Variants in PABPC4 observed in about 807,000 individuals in gnomAD.
PABPC4 encodes the protein polyadenylate-binding protein 4.
PABPC4 carries 15 observed loss-of-function variants against 74.5 expected under a neutral mutation model. The observed-to-expected ratio is 0.20, with a 90% CI of 0.13 to 0.31. The LOEUF is 0.31. PABPC4 is among the 10% of genes least tolerant of loss of function. The pLI, the probability that PABPC4 is intolerant of heterozygous loss-of-function variation, is 1.00. For synonymous variants in PABPC4, 345 were observed against 303.0 expected, an observed-to-expected ratio of 1.14 and a Z score of -1.44; for missense variants, 610 against 853.5, an observed-to-expected ratio of 0.71 and a Z score of 3.55.
chr1:39,571,514 G>C (rs565017793), intron 2 of PABPC4, 165 bp from the exon 3 acceptor site: 6 of 672,884 alleles, frequency 8.9e-6, no homozygotes, highest in Non-Finnish European at 1.5e-5. Context: ...CAGGTGCCTA[G>C]TAAGTGTTCC....
chr1:39,562,634 G>A (rs920349774), intron 12 of PABPC4: 1 of 457,104 alleles, frequency 2.2e-6, no homozygotes, highest in Non-Finnish European at 3.9e-6. Flanking sequence ...CAATGAAAAT[G>A]GCATGCTATC....
In PABPC4 at chr1:39,575,868, G is replaced by A. The variant is rs1281622064; in HGVS notation, c.84C>T (p.Tyr28=). The A allele has an allele frequency of 1.9e-6, 3 of 1,612,600 alleles. No individual in the cohort carries two copies. Among genetic ancestry groups the A allele is most frequent in the South Asian group, 2.2e-5 (2 of 91,006 alleles). Residue 28 remains tyrosine (Y), a synonymous_variant, in exon 1 of 16, where the codon TAC becomes TAT. Coordinates refer to ENST00000372858, the MANE Select transcript of PABPC4 (RefSeq NM_001135653.2). ...LHSDVTEAML[Y]EKFSPAGPVL... The stretch of plus-strand genomic sequence containing the variant: ...CAGGCCCCGCGGGGCTGAACTTTTC[G>A]TACAGCATGGCCTCGGTGACGTCCG...
chr1:39,565,465 G>A (rs1645822514), intron 7 of PABPC4, 87 bp from the exon 8 acceptor site: 4 of 1,391,280 alleles, frequency 2.9e-6, no homozygotes, highest in South Asian at 2.6e-5. Context: ...ACTTTGGAAG[G>A]CTGAGGTGGG....
chr1:39,573,452 C>T (rs1256693016), intron 1 of PABPC4, among the ~76,000 whole-genome samples: 1 of 152,180 alleles, frequency 6.6e-6, no homozygotes, highest in African/African-American at 2.4e-5. Context: ...CAACCAACTT[C>T]CCCATCCAAC....
At chr1:39,573,379 C>A (rs559244104) in intron 1 of PABPC4, among the ~76,000 whole-genome samples, 2 of 152,294 alleles carry the variant, frequency 1.3e-5, no homozygotes, top group African/African-American at 4.8e-5. Context: ...GGCCCTGCAC[C>A]CACCTTTTGA....
intron 4 of PABPC4, 48 bp downstream of exon 4, chr1:39,569,815 C>G: frequency 6.2e-7 from 1 of 1,603,180 alleles, no homozygotes; most frequent in Non-Finnish European, 8.5e-7. Flanking sequence ...TAAGAAAAAA[C>G]AGATGGGTCT....
chr1:39,566,438 C>T (rs934691508), intron 7 of PABPC4, among the ~76,000 whole-genome samples: 1 of 152,206 alleles, frequency 6.6e-6, no homozygotes, highest in Non-Finnish European at 1.5e-5. Flanking sequence ...CCAAGAAATA[C>T]TCCAAACAGC....
chr1:39,571,176 C>G, intron 3 of PABPC4, 58 bp downstream of exon 3: 1 of 1,610,896 alleles, frequency 6.2e-7, no homozygotes, highest in Non-Finnish European at 8.5e-7. Flanking sequence ...CAGTTAATAG[C>G]GAGGTGGGGC....
intron 1 of PABPC4, among the ~76,000 whole-genome samples, chr1:39,573,553 T>G (rs566531202): frequency 2.0e-5 from 3 of 152,180 alleles, no homozygotes; most frequent in Non-Finnish European, 4.4e-5. Context: ...GTATGGTGGC[T>G]CACTCCTGTA....
chr1:39,560,968 T>C lies in PABPC4; in HGVS notation c.*168A>G. ...AACCCAAAGAACATATTCGTATAAT[T>C]GAAAAATTCTAGGTGCTTCATAATT... On this transcript the variant is annotated 3_prime_UTR_variant, in exon 16 of 16. Coordinates refer to ENST00000372858, the MANE Select transcript of PABPC4 (RefSeq NM_001135653.2). 3.0e-6 allele frequency: 1 copy of C among 328,896 alleles called. No homozygotes were observed. Among genetic ancestry groups the C allele is most frequent in the East Asian group, 7.6e-5 (1 of 13,148 alleles). 20.4% of individuals were successfully genotyped at this position (328,896 alleles called of 1,614,324 possible).
In PABPC4 at chr1:39,572,948, C is replaced by A. The variant is rs181081293; in HGVS notation, c.194-362G>T. ...TAGAAGAGACTTTGCAGACTACCAC[C>A]CACCATGACTCAGGTGGGACAGCTG... On this transcript the variant is annotated intron_variant, in intron 1 of 15. Transcript: ENST00000372858. 6.0e-4 allele frequency: 112 copies of A among 187,236 alleles called. 2 individuals are homozygous for A. Among genetic ancestry groups the A allele is most frequent in the African/African-American group, 2.4e-3 (103 of 42,982 alleles). 11.6% of individuals were successfully genotyped at this position (187,236 alleles called of 1,614,324 possible).
chr1:39,571,204 A>T, intron 3 of PABPC4, 30 bp downstream of exon 3: 1 of 1,613,478 alleles, frequency 6.2e-7, no homozygotes, highest in Non-Finnish European at 8.5e-7. Flanking sequence ...GGCTCATGCG[A>T]TGGTTGTTGC....
intron 3 of PABPC4, chr1:39,570,992 A>G (rs1256681859): frequency 1.7e-5 from 22 of 1,300,488 alleles, no homozygotes; most frequent in Non-Finnish European, 2.0e-5. Context: ...CAAAACCCAC[A>G]GACAGATGCC....
chr1:39,562,474 G>A (rs1251540979), intron 12 of PABPC4, 58 bp from the exon 13 acceptor site: 41 of 1,237,466 alleles, frequency 3.3e-5, no homozygotes, highest in Non-Finnish European at 4.7e-5. Flanking sequence ...CCTGATGGTG[G>A]TTGAGTGCCT....
chr1:39,569,435 TA>T (rs1293919542), intron 5 of PABPC4, 159 bp downstream of exon 5: 8 of 626,628 alleles, frequency 1.3e-5, no homozygotes, highest in Non-Finnish European at 2.3e-5. Flanking sequence ...TACATGAAGT[TA>T]ACATGCGGAA....
At chr1:39,564,298 C>T in intron 10 of PABPC4, 125 bp downstream of exon 10, 1 of 1,155,732 alleles carries the variant, frequency 8.7e-7, no homozygotes, top group Non-Finnish European at 1.2e-6. Context: ...CCTAAGCACA[C>T]AGCTAAGATT....
intron 14 of PABPC4, 21 bp downstream of exon 14, chr1:39,562,052 A>AG (rs1298308078): frequency 4.4e-6 from 7 of 1,608,094 alleles, no homozygotes; most frequent in Non-Finnish European, 5.9e-6. Context: ...CTGAAGCTGC[A>AG]GGGTCTGAGC....
chr1:39,571,471 C>G (rs1170532817), intron 2 of PABPC4, 122 bp from the exon 3 acceptor site: 1 of 1,134,764 alleles, frequency 8.8e-7, no homozygotes, highest in Non-Finnish European at 1.3e-6. Flanking sequence ...GTCAAGTACA[C>G]CAGTATAATT....
At chr1:39,564,608 G>C in intron 9 of PABPC4, 66 bp from the exon 10 acceptor site, 1 of 1,611,208 alleles carries the variant, frequency 6.2e-7, no homozygotes, top group South Asian at 1.1e-5. Flanking sequence ...CTGTGCCTCA[G>C]AGTGGGGAAG....
Sources: allele counts gnomAD v4.1 joint callset (sites outside exome capture counted in the v4.1 genomes callset), GRCh38; gene constraint gnomAD v4.1.1; transcripts MANE v1.5; gene names NCBI Gene and HGNC (gene_info 2026-07-23, HGNC 2026-07-21).